The following CROCC variants were observed in gnomAD, a reference collection of about 807,000 sequenced individuals.
CROCC encodes ciliary rootlet coiled-coil, rootletin.
A neutral mutation model predicts 245.2 loss-of-function variants in CROCC; 180 were observed. The observed-to-expected ratio is 0.73, with a 90% confidence interval of 0.65 to 0.83. The LOEUF (loss-of-function observed/expected upper bound fraction) is 0.83, where lower values mean the gene tolerates loss of function less well. Ranked by LOEUF, CROCC falls within the 40% of genes least tolerant of loss-of-function variation. The pLI is 0.00. For missense variants in CROCC, 2,688 were observed against 2,779.4 expected, an observed-to-expected ratio of 0.97 and a Z score of 0.74; for synonymous variants, 1,205 against 1,241.6, an observed-to-expected ratio of 0.97 and a Z score of 0.62.
rs2075434642 is a variant in CROCC, at chr1:16,922,683, G to A, written c.81G>A (p.Leu27=). The part of the protein sequence containing the change: ...TVIQTLESSV[L]CQEKGLGARD... ...CACAGACACTGGAGAGCAGCGTCCT[G>A]TGCCAGGAGAAAGGCTTGGGCGCGC... The change falls in exon 2 of 37, where the codon CTG becomes CTA. Residue 27 remains leucine (L), a synonymous_variant. Coordinates refer to ENST00000375541, the MANE Select transcript of CROCC (RefSeq NM_014675.5). The A allele has an allele frequency of 1.2e-6, 2 of 1,612,658 alleles. No individual in the cohort carries two copies. The highest frequency in any genetic ancestry group is 1.7e-6 in the Non-Finnish European group (2 of 1,179,418).
At chr1:16,962,452 G>A (rs182468929) in intron 27 of CROCC, among the ~76,000 whole-genome samples, 143 of 147,786 alleles carry the variant, frequency 9.7e-4, no homozygotes, top group Non-Finnish European at 1.6e-3. Flanking sequence ...GGAGAATGGC[G>A]TGAACCCGGA....
chr1:16,947,294 C>A (rs1273160300), intron 17 of CROCC, among the ~76,000 whole-genome samples: 7 of 152,226 alleles, frequency 4.6e-5, no homozygotes, highest in Non-Finnish European at 1.0e-4. Context: ...CTGGCTAACA[C>A]GGTGAAACCC....
Position 16,939,047 on chromosome 1 carries a change from C to G in CROCC, c.1513C>G (p.Arg505Gly). ...GCGGCGCTCCTCGCCCGGCCGAGGC[C>G]GTTCACCCCGCCGAGGCCCCTCCCC... ...PPRRSSPGRGRSPRRGPSPAC... is the reference protein window; with the variant it reads ...PPRRSSPGRGGSPRRGPSPAC... Residue 505 changes from arginine (R) to glycine (G), a missense_variant, in exon 12 of 37, where the codon CGT (arginine) becomes GGT (glycine). Transcript: ENST00000375541. 1 of 1,590,682 alleles carries G rather than the reference C, an allele frequency of 6.3e-7. No individual in the cohort carries two copies. The highest frequency in any genetic ancestry group is 8.5e-7 in the Non-Finnish European group (1 of 1,172,336).
intron 35 of CROCC, 120 bp from the exon 36 acceptor site, chr1:16,971,345 A>T: frequency 7.3e-7 from 1 of 1,367,050 alleles, no homozygotes; most frequent in Non-Finnish European, 9.6e-7. Context: ...ACACACAAGG[A>T]TCTCTCCTGC....
intron 26 of CROCC, 87 bp downstream of exon 26, chr1:16,958,837 A>G (rs1374106145): frequency 1.7e-5 from 24 of 1,432,562 alleles, no homozygotes; most frequent in Non-Finnish European, 2.2e-5. Context: ...CCATTCTGAA[A>G]GGCCACTCCC....
intron 27 of CROCC, among the ~76,000 whole-genome samples, chr1:16,961,566 G>T (rs748794764): frequency 3.3e-5 from 5 of 151,960 alleles, no homozygotes; most frequent in Non-Finnish European, 5.9e-5. Flanking sequence ...CACGGCACCC[G>T]GTCTAGGCCA....
At position 16,939,233 on chromosome 1, in the gene CROCC, C is replaced by T. The variant is rs1314766022; in HGVS notation, c.1608+91C>T. On this transcript the variant is annotated intron_variant, in intron 12 of 36. Transcript: ENST00000375541. ...GTGGGGGCGGGGGCGGGGGCAGGTC[C>T]GGGGCCAGGGTCCGAGGGAGGAGTC... 25 of 1,129,984 alleles carry T rather than the reference C, an allele frequency of 2.2e-5. No individual in the cohort carries two copies. In the African/African-American group the frequency reaches 2.6e-4, roughly 12 times the overall value. The allele number at this position is 1,129,984 out of a possible 1,614,324, so 70.0% of individuals were successfully genotyped here.
chr1:16,970,163 C>T (rs1369839554), intron 33 of CROCC, 90 bp from the exon 34 acceptor site: 11 of 1,356,940 alleles, frequency 8.1e-6, no homozygotes, highest in Admixed American at 2.7e-5. Flanking sequence ...GTCGCCTGCT[C>T]TGTGAGTGGG....
At chr1:16,937,545 T>C in intron 9 of CROCC, 96 bp from the exon 10 acceptor site, 7 of 1,051,096 alleles carry the variant, frequency 6.7e-6, no homozygotes, top group Non-Finnish European at 1.0e-5. Context: ...TTAGGGTCCC[T>C]GCCTCGGGTT....
At position 16,953,168 on chromosome 1, in the gene CROCC, T is replaced by C. The variant is rs943500933; in HGVS notation, c.3007-134T>C. ...GTGTCCCCGTCATAGCCCTTATCAC[T>C]CCCTTGTATTTACCTGGTCACCCTC... On this transcript the variant is annotated intron_variant, in intron 20 of 36. Transcript: ENST00000375541. 8 of 800,642 alleles carry C rather than the reference T, an allele frequency of 1.0e-5. No individual in the cohort carries two copies. In the Admixed American group the frequency reaches 2.2e-4, roughly 22 times the overall value. 49.6% of individuals were successfully genotyped at this position (800,642 alleles called of 1,614,324 possible). A position where few individuals can be genotyped will look rare whatever the true frequency, so the allele number is the denominator to read the frequency against.
At chr1:16,929,818 G>T in intron 3 of CROCC, 28 bp from the exon 4 acceptor site, 1 of 1,500,476 alleles carries the variant, frequency 6.7e-7, no homozygotes. Context: ...GGAGGCCCAG[G>T]ACTCTCACCC....
intron 20 of CROCC, chr1:16,953,031 G>A (rs2076188708): frequency 2.3e-6 from 1 of 438,554 alleles, no homozygotes; most frequent in Non-Finnish European, 4.2e-6. Flanking sequence ...TTGGCCTGGG[G>A]TGGTCTTTTC....
chr1:16,932,399 C>T (rs577542058), intron 8 of CROCC, among the ~76,000 whole-genome samples: 38 of 152,370 alleles, frequency 2.5e-4, no homozygotes, highest in Non-Finnish European at 4.9e-4. Context: ...GAGATCTCGC[C>T]ATTGTACTCC....
intron 8 of CROCC, 57 bp downstream of exon 8, chr1:16,931,454 C>A: frequency 6.8e-7 from 1 of 1,460,966 alleles, no homozygotes; most frequent in Non-Finnish European, 9.6e-7. Context: ...TCTTTATGTC[C>A]AACTGAACTC....
In CROCC at chr1:16,970,140, T is replaced by C. The variant is rs574642217; in HGVS notation, c.5452-113T>C. On this transcript the variant is annotated intron_variant, in intron 33 of 36. Transcript: ENST00000375541. ...TTGGCTTCAGGTGACAATTCTCTGATGTGGGCCTCACCGTCGCCTGCTCTG... is the reference window on the plus strand; with the variant it reads ...TTGGCTTCAGGTGACAATTCTCTGACGTGGGCCTCACCGTCGCCTGCTCTG... The C allele has an allele frequency of 5.6e-4, 696 of 1,234,220 alleles. 2 individuals are homozygous for C. The highest frequency in any genetic ancestry group is 5.6e-4 in the Non-Finnish European group (509 of 910,964). The allele number at this position is 1,234,220 out of a possible 1,614,324, so 76.5% of individuals were successfully genotyped here. A position where few individuals can be genotyped will look rare whatever the true frequency, so the allele number is the denominator to read the frequency against.
chr1:16,935,772 C>T (rs1315112146), intron 8 of CROCC, among the ~76,000 whole-genome samples: 10 of 152,270 alleles, frequency 6.6e-5, no homozygotes, highest in Non-Finnish European at 1.5e-4. Context: ...ATGGATGTAC[C>T]ATCATGTACT....
At position 16,968,076 on chromosome 1, in the gene CROCC, C is replaced by T. The variant is rs537087889; in HGVS notation, c.4861-127C>T. 2.1e-4 allele frequency: 186 copies of T among 890,340 alleles called. 1 individual carries two copies. The South Asian group carries it at 2.1e-3, about 10-fold the overall frequency. The allele number at this position is 890,340 out of a possible 1,614,324, so 55.2% of individuals were successfully genotyped here. ...CCGAGGACCCCAGAGGGTCCCAGGC[C>T]GGCCCCAGGTCACGTAGGTCACCCT... is the stretch of plus-strand genomic sequence containing the variant. On this transcript the variant is annotated intron_variant, in intron 30 of 36. Transcript: ENST00000375541.
In CROCC at chr1:16,968,215, A is replaced by C. The variant is rs778106171; in HGVS notation, c.4873A>C (p.Lys1625Gln). ...ELRASQEKISKMKANETKLEG... is the reference protein window; with the variant it reads ...ELRASQEKISQMKANETKLEG... ...ATGCCACCTGCAGGAGAAGATCAGC[A>C]AGATGAAGGCCAATGAGACAAAGCT... The change falls in exon 31 of 37, where the codon AAG becomes CAG. Residue 1625 changes from lysine (K) to glutamine (Q), a missense_variant. Coordinates refer to ENST00000375541, the MANE Select transcript of CROCC (RefSeq NM_014675.5). 1.3e-5 allele frequency: 20 copies of C among 1,564,792 alleles called. No individual in the cohort carries two copies. Among genetic ancestry groups the C allele is most frequent in the Non-Finnish European group, 4.3e-6 (5 of 1,156,156 alleles).
chr1:16,919,917 ACT>A (rs1322850386), upstream of CROCC, among the ~76,000 whole-genome samples: 1 of 151,974 alleles, frequency 6.6e-6, no homozygotes, highest in African/African-American at 2.4e-5. Context: ...TTTGAGACAG[ACT>A]CTTGCCCTGT....
Sources: gnomAD v4.1 joint callset for allele counts (sites outside exome capture counted in the v4.1 genomes callset) on GRCh38, gnomAD v4.1.1 for gene constraint, MANE v1.5 for transcripts, NCBI Gene and HGNC (gene_info 2026-07-23, HGNC 2026-07-21) for gene names.